Variants in NPC2 observed in about 807,000 individuals in gnomAD.
The protein encoded by NPC2 is Niemann-Pick disease type C2 protein.
In NPC2, 14 loss-of-function variants were observed where a neutral mutation model predicts 17.0. That is an observed-to-expected ratio of 0.82 (90% CI 0.54 to 1.29). The LOEUF (loss-of-function observed/expected upper bound fraction) is 1.29, where lower values mean the gene tolerates loss of function less well. Among genes scored for constraint, NPC2 ranks in the 50% most tolerant of loss-of-function variants. The pLI is 0.00. For missense variants in NPC2, 167 were observed against 183.4 expected, an observed-to-expected ratio of 0.91 and a Z score of 0.52; for synonymous variants, 75 against 69.3, an observed-to-expected ratio of 1.08 and a Z score of -0.41.
intron 3 of NPC2, chr14:74,483,111 C>A: frequency 1.0e-6 from 1 of 994,642 alleles, no homozygotes; most frequent in South Asian, 1.3e-5. Context: ...AAGTCAACTG[C>A]CAACAGTGTA....
chr14:74,481,537 T>A (rs2086655883), intron 3 of NPC2, among the ~76,000 whole-genome samples: 1 of 152,272 alleles, frequency 6.6e-6, no homozygotes, highest in African/African-American at 2.4e-5. Context: ...TTTGGCAATC[T>A]GATCCAGCTT....
intron 1 of NPC2, among the ~76,000 whole-genome samples, chr14:74,492,091 T>C (rs2139675335): frequency 6.6e-6 from 1 of 152,242 alleles, no homozygotes; most frequent in South Asian, 2.1e-4. Context: ...AAGAACTCAC[T>C]TCGACTCTCC....
chr14:74,480,257 C>T lies in NPC2; in HGVS notation c.*17G>A, dbSNP rs537375153. 5.6e-6 allele frequency: 9 copies of T among 1,614,000 alleles called. No individual in the cohort carries two copies. The highest frequency in any genetic ancestry group is 3.3e-5 in the South Asian group (3 of 91,076). The stretch of plus-strand genomic sequence containing the variant: ...CAGCAGACTCATTGGCCAGATGCAC[C>T]GAACTCAATGAGGCACTTAGAGATG... On this transcript the variant is annotated 3_prime_UTR_variant, in exon 5 of 5. Transcript: ENST00000555619.
intron 2 of NPC2, among the ~76,000 whole-genome samples, 181 bp from the exon 3 acceptor site, chr14:74,484,768 A>C (rs1002931704): frequency 6.6e-6 from 1 of 150,824 alleles, no homozygotes; most frequent in African/African-American, 2.5e-5. Context: ...AAAAAAAAAA[A>C]AAAAAAAAAA....
rs199940399 is a variant in NPC2, at chr14:74,480,306, C to G, written c.442-18G>C. 3 of 1,605,906 alleles carry G rather than the reference C, an allele frequency of 1.9e-6. No individual in the cohort carries two copies. Among genetic ancestry groups the G allele is most frequent in the Non-Finnish European group, 2.6e-6 (3 of 1,173,354 alleles). The stretch of plus-strand genomic sequence containing the variant: ...TGAGAAACCTGTGGATGTAATGTCC[C>G]AGCTCAGTGGAAGTGGTTTGGAACC... On this transcript the variant is annotated intron_variant, in intron 4 of 4. Coordinates refer to ENST00000555619, the MANE Select transcript of NPC2 (RefSeq NM_006432.5).
intron 3 of NPC2, among the ~76,000 whole-genome samples, chr14:74,481,834 A>C (rs2086659112): frequency 6.6e-6 from 1 of 152,182 alleles, no homozygotes; most frequent in South Asian, 2.1e-4. Context: ...TAACTCACTG[A>C]CACTCTGCAG....
intron 1 of NPC2, among the ~76,000 whole-genome samples, chr14:74,488,035 C>T (rs959264520): frequency 3.3e-4 from 50 of 152,178 alleles, no homozygotes; most frequent in African/African-American, 1.1e-3. Context: ...GCTTTAAATA[C>T]GCAGCCATGT....
rs1053663195 is a variant in NPC2, at chr14:74,483,217, G to A, written c.363+1198C>T. ...CCAAGGTTTTGCACTAGTATATTCA[G>A]TCCACGTTTGACTTACAGGACCTGA... On this transcript the variant is annotated intron_variant, in intron 3 of 4. Coordinates refer to ENST00000555619, the MANE Select transcript of NPC2 (RefSeq NM_006432.5). The A allele has an allele frequency of 1.3e-5, 11 of 873,102 alleles. No individual in the cohort carries two copies. In the African/African-American group the frequency reaches 1.7e-4, roughly 13 times the overall value. 54.1% of individuals were successfully genotyped at this position (873,102 alleles called of 1,614,324 possible). A position where few individuals can be genotyped will look rare whatever the true frequency, so the allele number is the denominator to read the frequency against.
chr14:74,484,441 G>T lies in NPC2; in HGVS notation c.337C>A (p.Leu113Ile). ...KDKTYSYLNKLPVKSEYPSIK... is the reference protein window; with the variant it reads ...KDKTYSYLNKIPVKSEYPSIK... ...GAGGGATATTCGCTTTTCACTGGTAGTTTATTCAGGTAGCTATAGGTCTTG... is the reference window on the plus strand; with the variant it reads ...GAGGGATATTCGCTTTTCACTGGTATTTTATTCAGGTAGCTATAGGTCTTG... Residue 113 changes from leucine (L) to isoleucine (I), a missense_variant, in exon 3 of 5, where the codon CTA (leucine) becomes ATA (isoleucine). Leu to Ile is a conservative substitution (Grantham distance 5, BLOSUM62 2). Coordinates refer to ENST00000555619, the MANE Select transcript of NPC2 (RefSeq NM_006432.5). The T allele has an allele frequency of 6.2e-7, 1 of 1,614,132 alleles. No individual in the cohort carries two copies. Among genetic ancestry groups the T allele is most frequent in the Non-Finnish European group, 8.5e-7 (1 of 1,180,030 alleles).
At chr14:74,483,032 A>T in intron 3 of NPC2, 1 of 1,234,820 alleles carries the variant, frequency 8.1e-7, no homozygotes, top group East Asian at 2.5e-5. Context: ...CTGATGGTTC[A>T]GTTTGTTCAG....
intron 4 of NPC2, 148 bp downstream of exon 4, chr14:74,480,554 T>C (rs989232086): frequency 1.2e-6 from 1 of 815,940 alleles, no homozygotes; most frequent in Non-Finnish European, 2.2e-6. Flanking sequence ...TCTCAGGAAA[T>C]AGGGTCTCAG....
chr14:74,486,850 C>T (rs2086717551), intron 1 of NPC2, among the ~76,000 whole-genome samples: 1 of 152,134 alleles, frequency 6.6e-6, no homozygotes, highest in Non-Finnish European at 1.5e-5. Flanking sequence ...AAGACGTTTG[C>T]TTCAACCTTC....
At chr14:74,483,518 C>T in intron 3 of NPC2, 1 of 1,536,988 alleles carries the variant, frequency 6.5e-7, no homozygotes, top group Non-Finnish European at 8.8e-7. Context: ...GGCCCATAGT[C>T]AGCAGCAGCT....
intron 1 of NPC2, among the ~76,000 whole-genome samples, chr14:74,488,077 G>T (rs571542850): frequency 6.6e-6 from 1 of 152,276 alleles, no homozygotes; most frequent in East Asian, 1.9e-4. Flanking sequence ...AAGGAAATTT[G>T]CATCTGAGAA....
chr14:74,487,476 A>G (rs981983701), intron 1 of NPC2, among the ~76,000 whole-genome samples: 1 of 152,066 alleles, frequency 6.6e-6, no homozygotes, highest in East Asian at 1.9e-4. Flanking sequence ...CATGTTGCCC[A>G]GGCTGGTCTC....
At chr14:74,480,967 T>C (rs1156303408) in intron 3 of NPC2, among the ~76,000 whole-genome samples, 188 bp from the exon 4 acceptor site, 2 of 152,388 alleles carry the variant, frequency 1.3e-5, no homozygotes, top group African/African-American at 4.8e-5. Context: ...AACAAAGTTA[T>C]ACTTGTGATT....
chr14:74,480,269 G>A lies in NPC2; in HGVS notation c.*5C>T, dbSNP rs773374972. ...TGGCCAGATGCACCGAACTCAATGAGGCACTTAGAGATGAGAAACCTGTGG... is the reference window on the plus strand; with the variant it reads ...TGGCCAGATGCACCGAACTCAATGAAGCACTTAGAGATGAGAAACCTGTGG... On this transcript the variant is annotated 3_prime_UTR_variant, in exon 5 of 5. Coordinates refer to ENST00000555619, the MANE Select transcript of NPC2 (RefSeq NM_006432.5). 6.2e-7 allele frequency: 1 copy of A among 1,613,966 alleles called. No homozygotes were observed. Among genetic ancestry groups the A allele is most frequent in the African/African-American group, 1.3e-5 (1 of 74,914 alleles).
chr14:74,481,671 A>G (rs1196548787), intron 3 of NPC2, among the ~76,000 whole-genome samples: 2 of 152,256 alleles, frequency 1.3e-5, no homozygotes, highest in Non-Finnish European at 1.5e-5. Context: ...AGAAGTCTGT[A>G]GCTGTATGAA....
chr14:74,484,420 G>A lies in NPC2; in HGVS notation c.358C>T (p.Pro120Ser), dbSNP rs104894458. 3 of 1,614,046 alleles carry A rather than the reference G, an allele frequency of 1.9e-6. No individual in the cohort carries two copies. Among genetic ancestry groups the A allele is most frequent in the South Asian group, 1.1e-5 (1 of 91,076 alleles). Residue 120 changes from proline (P) to serine (S), a missense_variant, in exon 3 of 5, where the codon CCC (proline) becomes TCC (serine). Transcript: ENST00000555619. ...TCAATAATGGTATCACTTACAGAGG[G>A]ATATTCGCTTTTCACTGGTAGTTTA... ...LNKLPVKSEY[P>S]SIKLVVEWQL...
Sources: gnomAD v4.1 joint callset for allele counts (sites outside exome capture counted in the v4.1 genomes callset) on GRCh38, gnomAD v4.1.1 for gene constraint, MANE v1.5 for transcripts, NCBI Gene and HGNC (gene_info 2026-07-23, HGNC 2026-07-21) for gene names.